PTDSS1: variants seen among roughly 807,000 people sequenced by gnomAD.
PTDSS1 encodes PSS-1.
Under a neutral mutation model 70.5 loss-of-function variants are expected in PTDSS1, and 45 were observed. The observed-to-expected ratio is 0.64, with a 90% CI of 0.50 to 0.82. The LOEUF (loss-of-function observed/expected upper bound fraction) is 0.82, where lower values mean the gene tolerates loss of function less well. Ranked by LOEUF, PTDSS1 falls within the 40% of genes least tolerant of loss-of-function variation. PTDSS1 has a pLI of 0.00. For missense variants in PTDSS1, 417 were observed against 586.1 expected (o/e 0.71, Z 2.98); for synonymous variants, 188 against 203.8 (o/e 0.92, Z 0.66).
At chr8:96,280,387 T>C (rs1242438453) in intron 2 of PTDSS1, among the ~76,000 whole-genome samples, 1 of 152,098 alleles carries the variant, frequency 6.6e-6, no homozygotes, top group East Asian at 1.9e-4. Flanking sequence ...CTGGGCGTGG[T>C]GGCACATGCC....
intron 1 of PTDSS1, among the ~76,000 whole-genome samples, chr8:96,263,336 A>T (rs1810439339): frequency 6.6e-6 from 1 of 152,180 alleles, no homozygotes; most frequent in Admixed American, 6.5e-5. Flanking sequence ...CTCTTTAAAG[A>T]AAGGGAAGTC....
chr8:96,330,110 C>A, intron 10 of PTDSS1, 103 bp from the exon 11 acceptor site: 1 of 1,112,488 alleles, frequency 9.0e-7, no homozygotes, highest in Non-Finnish European at 1.4e-6. Context: ...GGCGTCCAGA[C>A]GGCAGAAATG....
intron 4 of PTDSS1, among the ~76,000 whole-genome samples, chr8:96,290,962 A>G (rs2130067377): frequency 6.7e-6 from 1 of 149,690 alleles, no homozygotes; most frequent in South Asian, 2.1e-4. Flanking sequence ...AAATATTATA[A>G]ATTGGATCAC....
chr8:96,330,322 T>C (rs1175895421), intron 11 of PTDSS1, 41 bp downstream of exon 11: 12 of 1,567,794 alleles, frequency 7.7e-6, no homozygotes, highest in Non-Finnish European at 1.0e-5. Flanking sequence ...TTTAAAATAA[T>C]CACCCCGGGC....
intron 5 of PTDSS1, 125 bp downstream of exon 5, chr8:96,295,381 T>A: frequency 9.7e-7 from 1 of 1,027,444 alleles, no homozygotes; most frequent in Non-Finnish European, 1.3e-6. Flanking sequence ...AAACAGTATT[T>A]AAACCATCCC....
intron 9 of PTDSS1, among the ~76,000 whole-genome samples, chr8:96,313,787 C>G (rs1052968357): frequency 8.5e-5 from 13 of 152,218 alleles, no homozygotes; most frequent in Non-Finnish European, 1.3e-4. Context: ...AAGTTCCCAC[C>G]TCTGCTGCTC....
chr8:96,310,889 C>G (rs1302937045), intron 9 of PTDSS1, among the ~76,000 whole-genome samples: 1 of 152,046 alleles, frequency 6.6e-6, no homozygotes. Flanking sequence ...CCTCAGTCCC[C>G]CAAGTAGCTG....
At chr8:96,300,112 A>G (rs2130095572) in intron 6 of PTDSS1, among the ~76,000 whole-genome samples, 1 of 151,456 alleles carries the variant, frequency 6.6e-6, no homozygotes, top group East Asian at 1.9e-4. Flanking sequence ...ATCCACCCCC[A>G]CTCTTTTTTA....
At chr8:96,312,175 C>G (rs998058657) in intron 9 of PTDSS1, among the ~76,000 whole-genome samples, 3 of 152,218 alleles carry the variant, frequency 2.0e-5, no homozygotes, top group Non-Finnish European at 1.5e-5. Flanking sequence ...GTAAACTCCA[C>G]TATGGCGGCT....
At chr8:96,305,044 A>T (rs883656) in intron 7 of PTDSS1, among the ~76,000 whole-genome samples, 11,460 of 152,316 alleles carry the variant, frequency 0.075, 488 homozygotes, top group African/African-American at 0.092. Flanking sequence ...GTAAGTAATC[A>T]CTGTGGTTTG....
chr8:96,324,741 G>T (rs140281773), intron 10 of PTDSS1, among the ~76,000 whole-genome samples: 65 of 152,290 alleles, frequency 4.3e-4, no homozygotes, highest in African/African-American at 1.5e-3. Context: ...GTTAAGTTTC[G>T]AGGAGAGTTT....
chr8:96,315,073 A>G (rs1811267054), intron 9 of PTDSS1, among the ~76,000 whole-genome samples: 1 of 152,184 alleles, frequency 6.6e-6, no homozygotes, highest in Non-Finnish European at 1.5e-5. Context: ...ACAGGAGCAC[A>G]ATAGGAATTG....
intron 1 of PTDSS1, among the ~76,000 whole-genome samples, chr8:96,267,154 C>T (rs1248323581): frequency 6.6e-6 from 1 of 152,198 alleles, no homozygotes; most frequent in Non-Finnish European, 1.5e-5. Flanking sequence ...CCTATTGCCC[C>T]AGATTTCTGT....
intron 9 of PTDSS1, among the ~76,000 whole-genome samples, chr8:96,311,256 C>T (rs1051062876): frequency 6.6e-5 from 10 of 152,244 alleles, no homozygotes; most frequent in Non-Finnish European, 1.0e-4. Flanking sequence ...CAAATCTGTA[C>T]ATGAAGTTCA....
chr8:96,299,578 A>C lies in PTDSS1; in HGVS notation c.601-116A>C, dbSNP rs1811022074. ...GGTTATTTTCTGTACATTAGGAAAA[A>C]ATGAAATGTCAACAACTTCTTCTAA... On this transcript the variant is annotated intron_variant, in intron 5 of 12. Coordinates refer to ENST00000517309, the MANE Select transcript of PTDSS1 (RefSeq NM_014754.3). 6 of 1,162,132 alleles carry C rather than the reference A, an allele frequency of 5.2e-6. No individual in the cohort carries two copies. The South Asian group carries it at 1.0e-4, about 20-fold the overall frequency. The allele number at this position is 1,162,132 out of a possible 1,614,324, so 72.0% of individuals were successfully genotyped here. A position where few individuals can be genotyped will look rare whatever the true frequency, so the allele number is the denominator to read the frequency against.
At chr8:96,330,927 C>T in intron 11 of PTDSS1, 99 bp from the exon 12 acceptor site, 2 of 991,602 alleles carry the variant, frequency 2.0e-6, no homozygotes, top group East Asian at 2.4e-5. Flanking sequence ...ATGATCCCAG[C>T]CTGGGAGAGG....
intron 10 of PTDSS1, among the ~76,000 whole-genome samples, chr8:96,324,230 C>CT (rs1811408996): frequency 6.6e-6 from 1 of 152,200 alleles, no homozygotes; most frequent in African/African-American, 2.4e-5. Context: ...AAGACTGAGG[C>CT]TTTCCCTCTT....
At chr8:96,287,309 G>A (rs1487268449) in intron 4 of PTDSS1, 163 bp downstream of exon 4, 3 of 901,416 alleles carry the variant, frequency 3.3e-6, no homozygotes, top group Non-Finnish European at 5.0e-6. Flanking sequence ...GTTGTCCACA[G>A]GTGATAGAGT....
intron 2 of PTDSS1, among the ~76,000 whole-genome samples, chr8:96,275,478 C>T (rs1387131013): frequency 6.6e-6 from 1 of 152,174 alleles, no homozygotes. Context: ...CGTCAAACAG[C>T]TTTTTGGCTA....
Sources: gnomAD v4.1 joint callset for allele counts (sites outside exome capture counted in the v4.1 genomes callset) on GRCh38, gnomAD v4.1.1 for gene constraint, MANE v1.5 for transcripts, NCBI Gene and HGNC (gene_info 2026-07-23, HGNC 2026-07-21) for gene names.